FAT4: variants seen among roughly 807,000 people sequenced by gnomAD.
FAT4 encodes protocadherin Fat 4.
Under a neutral mutation model 303.9 loss-of-function variants are expected in FAT4, and 84 were observed. The ratio of observed to expected loss-of-function variants is 0.28; its 90% CI spans 0.23 to 0.33. The LOEUF is 0.33. Ranked by LOEUF, FAT4 falls within the 10% of genes least tolerant of loss-of-function variation. FAT4 has a pLI of 1.00. For missense variants in FAT4, 6,005 were observed against 6,146.8 expected, an observed-to-expected ratio of 0.98 and a Z score of 0.77; for synonymous variants, 2,307 against 2,298.8, an observed-to-expected ratio of 1.00 and a Z score of -0.10.
intron 7 of FAT4, among the ~76,000 whole-genome samples, chr4:125,433,621 C>T (rs1035082833): frequency 1.3e-5 from 2 of 152,150 alleles, no homozygotes; most frequent in African/African-American, 2.4e-5. Context: ...AATCATTTCA[C>T]GTTACATTGA....
intron 2 of FAT4, among the ~76,000 whole-genome samples, chr4:125,357,507 A>C (rs1444306610): frequency 1.3e-5 from 2 of 152,146 alleles, no homozygotes; most frequent in Non-Finnish European, 2.9e-5. Flanking sequence ...GATTTTACTA[A>C]TATGGTCATT....
In FAT4 at chr4:125,324,572, C is replaced by T. The variant is rs942036094; in HGVS notation, c.5175+2986C>T. On this transcript the variant is annotated intron_variant, in intron 2 of 17. Coordinates refer to ENST00000394329, the MANE Select transcript of FAT4 (RefSeq NM_001291303.3). ...GGTCAGAGCATAATAATTATCTCTGCTCTACAAATGAATTGATAACTGTCA... is the reference window on the plus strand; with the variant it reads ...GGTCAGAGCATAATAATTATCTCTGTTCTACAAATGAATTGATAACTGTCA... 4.6e-5 allele frequency among the ~76,000 whole-genome samples: 7 copies of T among 152,118 alleles called. No individual in the cohort carries two copies. The East Asian group carries it at 9.6e-4, about 21-fold the overall frequency.
intron 2 of FAT4, among the ~76,000 whole-genome samples, chr4:125,331,213 C>T (rs1731367711): frequency 6.6e-6 from 1 of 152,124 alleles, no homozygotes; most frequent in Non-Finnish European, 1.5e-5. Context: ...GAAAGCTTTT[C>T]ATCTGTTTCT....
Position 125,491,563 on chromosome 4 carries a change from A to G in FAT4, c.14747A>G (p.Asp4916Gly). The G allele has an allele frequency of 6.2e-7, 1 of 1,614,188 alleles. No individual in the cohort carries two copies. The highest frequency in any genetic ancestry group is 8.5e-7 in the Non-Finnish European group (1 of 1,180,036). ...CAGGCAGCAGCACCAGGCACTGCTG[A>G]CAACACACTGCCCATGAAGCTAGGG... ...GTQAAAPGTA[D>G]NTLPMKLGQQ... The change falls in exon 18 of 18, where the codon GAC becomes GGC. Residue 4916 changes from aspartate to glycine, a missense_variant. Transcript: ENST00000394329.
At chr4:125,416,791 C>G (rs1735092924) in intron 7 of FAT4, among the ~76,000 whole-genome samples, 169 bp downstream of exon 7, 2 of 152,050 alleles carry the variant, frequency 1.3e-5, no homozygotes, top group East Asian at 3.9e-4. Context: ...ACTAAAAATA[C>G]AAACATTAGC....
chr4:125,358,509 T>C (rs1732523293), intron 2 of FAT4, among the ~76,000 whole-genome samples: 1 of 152,054 alleles, frequency 6.6e-6, no homozygotes, highest in Non-Finnish European at 1.5e-5. Flanking sequence ...TGGATTCTCA[T>C]AAGGAGCGTG....
chr4:125,374,184 C>A (rs1733229774), intron 2 of FAT4, among the ~76,000 whole-genome samples: 1 of 152,164 alleles, frequency 6.6e-6, no homozygotes, highest in African/African-American at 2.4e-5. Context: ...GTCTGTGAAT[C>A]TTACAGAGAT....
intron 2 of FAT4, among the ~76,000 whole-genome samples, chr4:125,365,655 A>G (rs1337164316): frequency 6.6e-6 from 1 of 152,338 alleles, no homozygotes; most frequent in Non-Finnish European, 1.5e-5. Context: ...TTTAAACAAG[A>G]TCATTAGCTG....
chr4:125,331,446 G>A (rs753485521), intron 2 of FAT4, among the ~76,000 whole-genome samples: 2 of 152,168 alleles, frequency 1.3e-5, no homozygotes, highest in Non-Finnish European at 2.9e-5. Flanking sequence ...GGAAAAGACT[G>A]GTTTTCCTTC....
chr4:125,358,565 C>T (rs559329306), intron 2 of FAT4, among the ~76,000 whole-genome samples: 1 of 151,956 alleles, frequency 6.6e-6, no homozygotes, highest in African/African-American at 2.4e-5. Flanking sequence ...GGTTTGTGCT[C>T]CTATGAGAAT....
At chr4:125,442,996 TA>T (rs1725709541) in intron 8 of FAT4, among the ~76,000 whole-genome samples, 1 of 152,122 alleles carries the variant, frequency 6.6e-6, no homozygotes, top group Non-Finnish European at 1.5e-5. Context: ...AAAGAAGGCT[TA>T]AAAATGTTAA....
intron 2 of FAT4, among the ~76,000 whole-genome samples, chr4:125,322,052 T>C (rs1730976849): frequency 1.3e-5 from 2 of 152,206 alleles, no homozygotes; most frequent in Admixed American, 6.5e-5. Flanking sequence ...GCTGACAGTG[T>C]ACACCAGGAC....
At chr4:125,429,316 T>C (rs1467390232) in intron 7 of FAT4, among the ~76,000 whole-genome samples, 1 of 152,210 alleles carries the variant, frequency 6.6e-6, no homozygotes, top group Non-Finnish European at 1.5e-5. Context: ...CAAGACCTAA[T>C]GGTATGCATT....
chr4:125,486,505 C>T (rs1027918052), intron 16 of FAT4, among the ~76,000 whole-genome samples: 1 of 152,118 alleles, frequency 6.6e-6, no homozygotes, highest in Admixed American at 6.5e-5. Context: ...GCCACTGCAT[C>T]CCCCTGCCAA....
intron 10 of FAT4, among the ~76,000 whole-genome samples, chr4:125,458,865 C>T (rs917091388): frequency 2.0e-5 from 3 of 151,852 alleles, no homozygotes; most frequent in Non-Finnish European, 2.9e-5. Flanking sequence ...GCAAAAAAGC[C>T]ATAAGGCTAT....
chr4:125,445,142 T>C (rs536930836), intron 8 of FAT4, among the ~76,000 whole-genome samples: 2 of 152,278 alleles, frequency 1.3e-5, no homozygotes, highest in South Asian at 4.1e-4. Context: ...TTATCAATAC[T>C]GAAGCCATTT....
intron 8 of FAT4, among the ~76,000 whole-genome samples, chr4:125,445,087 T>C (rs1246686556): frequency 1.3e-5 from 2 of 152,142 alleles, no homozygotes; most frequent in South Asian, 2.1e-4. Flanking sequence ...GATTCTGTCG[T>C]GTGATTTGCC....
intron 8 of FAT4, among the ~76,000 whole-genome samples, chr4:125,441,318 T>A (rs1187489494): frequency 3.3e-5 from 5 of 152,132 alleles, no homozygotes; most frequent in Non-Finnish European, 7.3e-5. Context: ...GTAGAAGTAG[T>A]TTATGGAGAA....
At chr4:125,360,045 C>CCT (rs1290505590) in intron 2 of FAT4, among the ~76,000 whole-genome samples, 3 of 152,224 alleles carry the variant, frequency 2.0e-5, no homozygotes, top group African/African-American at 7.2e-5. Flanking sequence ...AAACTGTCTT[C>CCT]CTCTCCCTCC....
Sources: allele counts gnomAD v4.1 joint callset (sites outside exome capture counted in the v4.1 genomes callset), GRCh38; gene constraint gnomAD v4.1.1; transcripts MANE v1.5; gene names NCBI Gene and HGNC (gene_info 2026-07-23, HGNC 2026-07-21).